BCKDHB: variants seen among roughly 807,000 people sequenced by gnomAD.
BCKDHB encodes the protein branched chain keto acid dehydrogenase E1 subunit beta.
BCKDHB carries 41 observed loss-of-function variants against 48.5 expected under a neutral mutation model. The ratio of observed to expected loss-of-function variants is 0.85; its 90% CI spans 0.66 to 1.10. The LOEUF (loss-of-function observed/expected upper bound fraction) is 1.10. Ranked by LOEUF, BCKDHB falls within the 50% of genes least tolerant of loss-of-function variation. The pLI is 0.00. For synonymous variants in BCKDHB, 201 were observed against 174.8 expected (o/e 1.15, Z -1.18); for missense variants, 496 against 494.2 (o/e 1.00, Z -0.03).
chr6:80,370,781 G>A, the BCKDHB span, among the ~76,000 whole-genome samples: 1 of 35,710 alleles, frequency 2.8e-5, no homozygotes, highest in Non-Finnish European at 8.4e-5. Context: ...TATAGCGTGT[G>A]TGTGTATATA....
chr6:80,305,450 T>G (rs1767816091), intron 9 of BCKDHB, among the ~76,000 whole-genome samples: 2 of 152,200 alleles, frequency 1.3e-5, no homozygotes, highest in Non-Finnish European at 2.9e-5. Context: ...TTTAAAAATG[T>G]TTTTTAAAAG....
At chr6:80,226,092 T>A in intron 8 of BCKDHB, among the ~76,000 whole-genome samples, 1 of 152,236 alleles carries the variant, frequency 6.6e-6, no homozygotes. Flanking sequence ...AACTGATAGA[T>A]TTCAGCAAAT....
chr6:80,458,553 T>C, the BCKDHB span, among the ~76,000 whole-genome samples: 1 of 152,218 alleles, frequency 6.6e-6, no homozygotes, highest in African/African-American at 2.4e-5. Context: ...ACTCAGTGAA[T>C]ACGTGTGACA....
At chr6:80,207,565 C>T (rs1356295950) in intron 8 of BCKDHB, among the ~76,000 whole-genome samples, 1 of 151,404 alleles carries the variant, frequency 6.6e-6, no homozygotes, top group Non-Finnish European at 1.5e-5. Flanking sequence ...ATTAAATAAA[C>T]CTAGTAAAAG....
At chr6:80,139,916 T>C (rs1483461134) in intron 3 of BCKDHB, among the ~76,000 whole-genome samples, 1 of 152,232 alleles carries the variant, frequency 6.6e-6, no homozygotes, top group South Asian at 2.1e-4. Context: ...TTTCACGATA[T>C]TGATTCTTCC....
chr6:80,449,355 A>G, the BCKDHB span, among the ~76,000 whole-genome samples: 3 of 152,212 alleles, frequency 2.0e-5, no homozygotes, highest in Non-Finnish European at 1.5e-5. Context: ...AAAACCTAGT[A>G]TGTTCCAAAC....
At position 80,184,988 on chromosome 6, in the gene BCKDHB, C is replaced by T. The variant is rs137939110; in HGVS notation, c.742+13598C>T. Among the ~76,000 whole-genome samples the T allele has an allele frequency of 4.8e-3, 730 of 152,248 alleles. 2 individuals are homozygous for T. The highest frequency in any genetic ancestry group is 0.016 in the African/African-American group (683 of 41,544). On this transcript the variant is annotated intron_variant, in intron 6 of 9. Coordinates refer to ENST00000320393, the MANE Select transcript of BCKDHB (RefSeq NM_183050.4). Reference sequence around the variant, plus strand: ...TGTATTTGAATGTCTAGATCTCTAGCAAGGACAGGGAAGTTTTTCTCTATT... The same window carrying T: ...TGTATTTGAATGTCTAGATCTCTAGTAAGGACAGGGAAGTTTTTCTCTATT...
chr6:80,259,447 C>G (rs1376547912), intron 8 of BCKDHB, among the ~76,000 whole-genome samples: 3 of 152,138 alleles, frequency 2.0e-5, no homozygotes, highest in Non-Finnish European at 4.4e-5. Context: ...TGGAGGTTTC[C>G]TGGTTACATT....
intron 3 of BCKDHB, among the ~76,000 whole-genome samples, chr6:80,152,747 G>A (rs900909684): frequency 6.6e-6 from 1 of 152,152 alleles, no homozygotes; most frequent in Non-Finnish European, 1.5e-5. Flanking sequence ...GACAATTCCT[G>A]AAGATATCTG....
chr6:80,382,606 A>G, the BCKDHB span, among the ~76,000 whole-genome samples: 2 of 152,098 alleles, frequency 1.3e-5, no homozygotes, highest in Non-Finnish European at 2.9e-5. Flanking sequence ...CCTAATGTTT[A>G]TTGCACTCTG....
intron 6 of BCKDHB, among the ~76,000 whole-genome samples, chr6:80,186,614 C>G (rs1256872115): frequency 6.6e-6 from 1 of 152,208 alleles, no homozygotes; most frequent in Non-Finnish European, 1.5e-5. Flanking sequence ...CCCCTGGACT[C>G]TGCTCAGGAA....
At chr6:80,175,114 T>A (rs1305495775) in intron 6 of BCKDHB, among the ~76,000 whole-genome samples, 2 of 152,222 alleles carry the variant, frequency 1.3e-5, no homozygotes, top group African/African-American at 4.8e-5. Context: ...CTCTGGTTAC[T>A]GTGCTGTCTT....
intron 6 of BCKDHB, among the ~76,000 whole-genome samples, chr6:80,174,933 CAT>C (rs1773081114): frequency 6.6e-6 from 1 of 152,118 alleles, no homozygotes; most frequent in Admixed American, 6.6e-5. Flanking sequence ...ATCTTAAACA[CAT>C]AAATACATTT....
At chr6:80,283,892 C>T in intron 9 of BCKDHB, among the ~76,000 whole-genome samples, 1 of 152,102 alleles carries the variant, frequency 6.6e-6, no homozygotes. Context: ...CATAACCTGG[C>T]TGATTCTCTT....
chr6:80,132,588 G>A (rs560957890), intron 3 of BCKDHB, among the ~76,000 whole-genome samples: 2 of 152,268 alleles, frequency 1.3e-5, no homozygotes, highest in Non-Finnish European at 2.9e-5. Context: ...TGCTCTTAGA[G>A]GGTACCTGCA....
At chr6:80,171,174 T>A in intron 5 of BCKDHB, 108 bp from the exon 6 acceptor site, 1 of 662,914 alleles carries the variant, frequency 1.5e-6, no homozygotes. Flanking sequence ...AGCCAATATC[T>A]ATTTTTAATT....
chr6:80,277,468 T>A (rs1175445090), intron 9 of BCKDHB, among the ~76,000 whole-genome samples: 2 of 152,070 alleles, frequency 1.3e-5, no homozygotes, highest in Non-Finnish European at 2.9e-5. Flanking sequence ...AGAGTAAATT[T>A]TTTTAAGGAT....
rs1022050533 is a variant in BCKDHB at position 80,107,223 on chromosome 6, C to T, written c.196+334C>T. On this transcript the variant is annotated intron_variant, in intron 1 of 9. Transcript: ENST00000320393. ...GTCCTCCGTCCTTGCTTTCTCAACC[C>T]AGGCCTTAGGTGTTGTTCCAGCCTG... is the stretch of plus-strand genomic sequence containing the variant. Among the ~76,000 whole-genome samples, 4 of 151,202 alleles carry T rather than the reference C, an allele frequency of 2.6e-5. No homozygotes were observed. In the South Asian group the frequency reaches 8.3e-4, roughly 32 times the overall value.
chr6:80,363,863 C>A, the BCKDHB span, among the ~76,000 whole-genome samples: 3 of 152,142 alleles, frequency 2.0e-5, no homozygotes, highest in Non-Finnish European at 4.4e-5. Flanking sequence ...GCAAAAATTA[C>A]GTAGGTGGCT....
Sources: allele counts gnomAD v4.1 joint callset (sites outside exome capture counted in the v4.1 genomes callset), GRCh38; gene constraint gnomAD v4.1.1; transcripts MANE v1.5; gene names NCBI Gene and HGNC (gene_info 2026-07-23, HGNC 2026-07-21).